Variants in ARHGEF38 observed in about 807,000 individuals in gnomAD.
ARHGEF38 encodes Rho guanine nucleotide exchange factor 38.
In ARHGEF38, 79 loss-of-function variants were observed where a neutral mutation model predicts 79.9. The observed-to-expected ratio is 0.99, with a 90% CI of 0.82 to 1.19. ARHGEF38 has a LOEUF of 1.19. Ranked by LOEUF, ARHGEF38 falls within the 50% of genes most tolerant of loss-of-function variation. The pLI is 0.00. For missense variants in ARHGEF38, 962 were observed against 907.2 expected (o/e 1.06, Z -0.78); for synonymous variants, 366 against 328.3 (o/e 1.11, Z -1.24).
intron 2 of ARHGEF38, among the ~76,000 whole-genome samples, chr4:105,596,710 T>C (rs1367556158): frequency 6.6e-6 from 1 of 152,180 alleles, no homozygotes; most frequent in Non-Finnish European, 1.5e-5. Context: ...CCCATTGCCG[T>C]CCTATACAAC....
intron 1 of ARHGEF38, among the ~76,000 whole-genome samples, chr4:105,559,603 G>A (rs1405437244): frequency 1.3e-5 from 2 of 152,070 alleles, no homozygotes; most frequent in African/African-American, 4.8e-5. Context: ...CTTTCAGATT[G>A]TTATAAAATA....
intron 7 of ARHGEF38, 90 bp downstream of exon 7, chr4:105,648,772 A>G: frequency 3.1e-6 from 4 of 1,299,444 alleles, no homozygotes; most frequent in Non-Finnish European, 3.1e-6. Flanking sequence ...GACTATTTCT[A>G]GAATACTGAG....
chr4:105,580,142 A>T (rs1218811306), intron 1 of ARHGEF38, among the ~76,000 whole-genome samples: 1 of 152,004 alleles, frequency 6.6e-6, no homozygotes. Context: ...CTAGCAGTCT[A>T]TCTTATTAAT....
intron 2 of ARHGEF38, 72 bp downstream of exon 2, chr4:105,589,507 G>A (rs1727222559): frequency 3.0e-6 from 4 of 1,321,608 alleles, no homozygotes; most frequent in African/African-American, 1.5e-5. Context: ...TGAAATTGAA[G>A]CACTCAGGTG....
chr4:105,621,387 A>G (rs903627323), intron 3 of ARHGEF38, among the ~76,000 whole-genome samples: 1 of 152,222 alleles, frequency 6.6e-6, no homozygotes, highest in Admixed American at 6.5e-5. Flanking sequence ...GCTTGAGTCT[A>G]CTTTACTGGC....
chr4:105,606,447 T>C (rs1728044924), intron 2 of ARHGEF38, among the ~76,000 whole-genome samples: 1 of 152,142 alleles, frequency 6.6e-6, no homozygotes, highest in African/African-American at 2.4e-5. Context: ...AGTTCCAAAT[T>C]GAGGTCAGAA....
chr4:105,639,382 G>C (rs1443560752), intron 5 of ARHGEF38, among the ~76,000 whole-genome samples: 1 of 151,678 alleles, frequency 6.6e-6, no homozygotes, highest in Non-Finnish European at 1.5e-5. Flanking sequence ...AAATTTTACG[G>C]AGCTAAATTT....
intron 7 of ARHGEF38, among the ~76,000 whole-genome samples, chr4:105,650,611 C>T (rs72669990): frequency 0.054 from 8,186 of 152,290 alleles, 297 homozygotes; most frequent in Non-Finnish European, 0.081. Flanking sequence ...AAACCTGGTG[C>T]TTTGCCTCTA....
chr4:105,666,602 T>C (rs1730758954), intron 11 of ARHGEF38, among the ~76,000 whole-genome samples: 1 of 152,166 alleles, frequency 6.6e-6, no homozygotes, highest in African/African-American at 2.4e-5. Flanking sequence ...TTGAATAAGA[T>C]TTTATAAAGA....
chr4:105,636,026 G>A (rs140761709), intron 4 of ARHGEF38, among the ~76,000 whole-genome samples: 101 of 151,984 alleles, frequency 6.6e-4, no homozygotes, highest in African/African-American at 2.2e-3. Context: ...TGCAGCTTAG[G>A]CACTTATTAA....
chr4:105,565,633 G>T (rs1479471535), intron 1 of ARHGEF38, among the ~76,000 whole-genome samples: 1 of 152,028 alleles, frequency 6.6e-6, no homozygotes, highest in African/African-American at 2.4e-5. Flanking sequence ...AGGGAGTGTT[G>T]GTCAGAAGTT....
chr4:105,589,671 A>G (rs1727230821), intron 2 of ARHGEF38, among the ~76,000 whole-genome samples: 4 of 152,182 alleles, frequency 2.6e-5, no homozygotes, highest in African/African-American at 2.4e-5. Context: ...AAATAAGCAA[A>G]CAAAATTAAG....
At chr4:105,670,854 G>A (rs1400745936) in intron 13 of ARHGEF38, among the ~76,000 whole-genome samples, 1 of 152,172 alleles carries the variant, frequency 6.6e-6, no homozygotes, top group Non-Finnish European at 1.5e-5. Context: ...CTGGCTTGAT[G>A]TTGAGTTCTT....
Position 105,568,984 on chromosome 4 carries a change from G to A in ARHGEF38, c.196+16023G>A, listed in dbSNP as rs1726081545. ...ACAACTATTCTTTACTAAGAGATCA[G>A]TAAGATTTCAATACAATTAAGAAAA... On this transcript the variant is annotated intron_variant, in intron 1 of 13. Coordinates refer to ENST00000420470, the MANE Select transcript of ARHGEF38 (RefSeq NM_001242729.2). Among the ~76,000 whole-genome samples the A allele has an allele frequency of 2.6e-5, 4 of 152,148 alleles. No individual in the cohort carries two copies. In the South Asian group the frequency reaches 8.3e-4, roughly 32 times the overall value.
intron 1 of ARHGEF38, among the ~76,000 whole-genome samples, chr4:105,553,969 AAATT>A (rs1405091343): frequency 3.9e-5 from 6 of 152,184 alleles, no homozygotes; most frequent in African/African-American, 1.4e-4. Flanking sequence ...TTAGTTATGC[AAATT>A]AATTAAGTTA....
chr4:105,673,057 T>A (rs185814024), intron 13 of ARHGEF38, among the ~76,000 whole-genome samples: 211 of 152,330 alleles, frequency 1.4e-3, no homozygotes, highest in African/African-American at 4.7e-3. Context: ...AATCCCTCTT[T>A]TGACTAACTC....
At chr4:105,661,024 C>A (rs946277890) in intron 10 of ARHGEF38, among the ~76,000 whole-genome samples, 2 of 152,190 alleles carry the variant, frequency 1.3e-5, no homozygotes, top group African/African-American at 4.8e-5. Context: ...TATCAATTTA[C>A]TTTCTGCCTG....
intron 13 of ARHGEF38, among the ~76,000 whole-genome samples, chr4:105,676,990 GTC>G (rs1463605348): frequency 6.6e-6 from 1 of 151,136 alleles, no homozygotes; most frequent in Non-Finnish European, 1.5e-5. Context: ...TGGAGACAGA[GTC>G]TCACTCCGTC....
intron 1 of ARHGEF38, among the ~76,000 whole-genome samples, chr4:105,561,140 C>A (rs573839434): frequency 6.6e-6 from 1 of 152,214 alleles, no homozygotes; most frequent in East Asian, 1.9e-4. Flanking sequence ...GTAATCCCAG[C>A]ACTTTGGGTG....
Sources: allele counts gnomAD v4.1 joint callset (sites outside exome capture counted in the v4.1 genomes callset), GRCh38; gene constraint gnomAD v4.1.1; transcripts MANE v1.5; gene names NCBI Gene and HGNC (gene_info 2026-07-23, HGNC 2026-07-21).